The following SLC6A12 variants were observed in gnomAD, a reference collection of about 807,000 sequenced individuals.
SLC6A12 encodes sodium- and chloride-dependent betaine transporter.
Under a neutral mutation model 73.3 loss-of-function variants are expected in SLC6A12, and 50 were observed. The observed-to-expected ratio is 0.68, with a 90% CI of 0.54 to 0.86. The LOEUF is 0.86. Ranked by LOEUF, SLC6A12 falls within the 40% of genes least tolerant of loss-of-function variation. The pLI is 0.00. For synonymous variants in SLC6A12, 304 were observed against 309.2 expected (o/e 0.98, Z 0.18); for missense variants, 648 against 772.8 (o/e 0.84, Z 1.92).
chr12:200,209 C>A (rs915081905), intron 7 of SLC6A12, among the ~76,000 whole-genome samples: 8 of 150,364 alleles, frequency 5.3e-5, no homozygotes, highest in African/African-American at 1.7e-4. Context: ...CCCGGGTTCA[C>A]GCCATTCTCC....
At chr12:197,766 A>G (rs1474003294) in intron 9 of SLC6A12, 134 bp downstream of exon 9, 1 of 682,302 alleles carries the variant, frequency 1.5e-6, no homozygotes, top group Non-Finnish European at 2.5e-6. Flanking sequence ...CTGGGAAAGG[A>G]ACCCATAAGT....
chr12:196,862 C>T lies in SLC6A12; in HGVS notation c.1096G>A (p.Ala366Thr), dbSNP rs151111165. ...AESGPGLAFI[A>T]FPKAVTMMPL... ...ATCATAGTCACAGCCTTGGGGAAGG[C>T]GATGAAGGCCAGCCCAGGACCTGCC... Residue 366 changes from alanine to threonine, a missense_variant, in exon 11 of 16, where the codon GCC (alanine) becomes ACC (threonine). Coordinates refer to ENST00000684302, the MANE Select transcript of SLC6A12 (RefSeq NM_001122848.3). The T allele has an allele frequency of 5.8e-5, 93 of 1,613,498 alleles. No individual in the cohort carries two copies. The highest frequency in any genetic ancestry group is 5.3e-4 in the South Asian group (48 of 91,064).
At chr12:187,682 C>G (rs75414408), downstream of SLC6A12, among the ~76,000 whole-genome samples, 473 of 146,536 alleles carry the variant, frequency 3.2e-3, 2 homozygotes, top group African/African-American at 9.8e-3. Context: ...CAGCGGGTTA[C>G]CACTAGGGCC....
chr12:184,140 C>G, the SLC6A12 span, among the ~76,000 whole-genome samples: 18 of 151,692 alleles, frequency 1.2e-4, no homozygotes, highest in Non-Finnish European at 2.6e-4. Flanking sequence ...CAAGAATGAA[C>G]AGATGATTGA....
intron 15 of SLC6A12, among the ~76,000 whole-genome samples, 170 bp from the exon 16 acceptor site, chr12:191,381 C>T (rs1453920803): frequency 1.3e-5 from 2 of 152,210 alleles, no homozygotes; most frequent in East Asian, 1.9e-4. Flanking sequence ...GCAGCAATAC[C>T]GTGACTACGA....
chr12:187,636 C>CACA (rs1478041608), downstream of SLC6A12, among the ~76,000 whole-genome samples: 7 of 59,028 alleles, frequency 1.2e-4, no homozygotes, highest in Non-Finnish European at 2.4e-4. Flanking sequence ...AAAAAACAAA[C>CACA]CACACACACA....
chr12:200,312 G>A (rs564540950), intron 7 of SLC6A12, among the ~76,000 whole-genome samples: 1 of 151,634 alleles, frequency 6.6e-6, no homozygotes, highest in South Asian at 2.1e-4. Context: ...GTTTTACCGT[G>A]TTAGCCAGGA....
intron 12 of SLC6A12, 96 bp downstream of exon 12, chr12:196,028 G>T: frequency 1.7e-6 from 2 of 1,196,816 alleles, no homozygotes; most frequent in Non-Finnish European, 2.3e-6. Flanking sequence ...CCCCTCGTCA[G>T]CAGATAAGAA....
At chr12:203,792 G>A (rs1284030128) in intron 4 of SLC6A12, 1 of 148,916 alleles carries the variant, frequency 6.7e-6, no homozygotes, top group Admixed American at 6.7e-5. Context: ...GAAGGGGCTC[G>A]CGGGGGAGCG....
the SLC6A12 span, among the ~76,000 whole-genome samples, chr12:184,930 CAA>C: frequency 6.7e-3 from 900 of 135,022 alleles, 8 homozygotes; most frequent in African/African-American, 0.018. Context: ...GAAACTGTCT[CAA>C]AAAAAAAAAA....
rs1378621944 is a variant in SLC6A12, at chr12:196,260, A to T, written c.1190T>A (p.Phe397Tyr). The T allele has an allele frequency of 6.2e-7, 1 of 1,608,228 alleles. No homozygotes were observed. Among genetic ancestry groups the T allele is most frequent in the Admixed American group, 1.7e-5 (1 of 59,242 alleles). The change falls in exon 12 of 16, where the codon TTT (phenylalanine) becomes TAT (tyrosine). Residue 397 changes from phenylalanine (F) to tyrosine (Y), a missense_variant and splice_region_variant. By Grantham distance (22) the Phe-to-Tyr change is conservative (BLOSUM62 3). Transcript: ENST00000684302. ...MLIFLGLDSQ[F>Y]VCVECLVTAS... Reference sequence around the variant, plus strand: ...TGTCACCAGGCACTCCACACAGACAAACTGTGGGCCAGGAGGGGAACTGGA... The same window carrying T: ...TGTCACCAGGCACTCCACACAGACATACTGTGGGCCAGGAGGGGAACTGGA...
chr12:195,973 T>C (rs1939839097), intron 12 of SLC6A12, 151 bp downstream of exon 12: 4 of 664,926 alleles, frequency 6.0e-6, no homozygotes, highest in Non-Finnish European at 1.0e-5. Context: ...GCATGTTGTG[T>C]GGTCCCTACA....
At chr12:195,669 G>C (rs189015836) in intron 12 of SLC6A12, among the ~76,000 whole-genome samples, 763 of 152,260 alleles carry the variant, frequency 5.0e-3, no homozygotes, top group Middle Eastern at 0.01. Flanking sequence ...GTCATAGCCT[G>C]GACATTTGCC....
chr12:209,277 C>T (rs544551795), intron 3 of SLC6A12, among the ~76,000 whole-genome samples: 37 of 152,328 alleles, frequency 2.4e-4, no homozygotes, highest in Admixed American at 2.0e-3. Flanking sequence ...CTCCTCCCTG[C>T]GTCACGTCTC....
intron 13 of SLC6A12, among the ~76,000 whole-genome samples, chr12:194,288 G>A (rs1342011691): frequency 6.6e-6 from 1 of 152,252 alleles, no homozygotes; most frequent in Non-Finnish European, 1.5e-5. Flanking sequence ...GAGGTGAGAA[G>A]GAAGGAACGT....
rs531286393 is a variant in SLC6A12, at chr12:200,247, T to C, written c.711+404A>G. On this transcript the variant is annotated intron_variant, in intron 7 of 15. Transcript: ENST00000684302. ...CCTCAGCCTCCTGCATAGCTGGGAC[T>C]ACAGGTGCCCACCACCACGCCCGGC... is the stretch of plus-strand genomic sequence containing the variant. Among the ~76,000 whole-genome samples, 7 of 150,806 alleles carry C rather than the reference T, an allele frequency of 4.6e-5. No homozygotes were observed. In the East Asian group the frequency reaches 7.8e-4, roughly 17 times the overall value.
rs115004509 is a variant in SLC6A12, at chr12:199,263, T to C, written c.712-332A>G. ...AGTCAACATGTACGTATGTGCATAA[T>C]CTGTACATATTTATGAAAAAGAGTG... On this transcript the variant is annotated intron_variant, in intron 7 of 15. Transcript: ENST00000684302. Among the ~76,000 whole-genome samples the C allele has an allele frequency of 8.9e-3, 1,350 of 152,364 alleles. 22 individuals carry two copies. Among genetic ancestry groups the C allele is most frequent in the African/African-American group, 0.03 (1,254 of 41,582 alleles).
downstream of SLC6A12, among the ~76,000 whole-genome samples, chr12:185,424 T>G (rs1939414671): frequency 6.6e-6 from 1 of 152,206 alleles, no homozygotes; most frequent in Non-Finnish European, 1.5e-5. Context: ...TTCGAGTCCC[T>G]CATGCTGGGG....
chr12:184,546 C>A, the SLC6A12 span, among the ~76,000 whole-genome samples: 1 of 152,056 alleles, frequency 6.6e-6, no homozygotes. Flanking sequence ...GTCAGGAGAT[C>A]GAGACCATCC....
Sources: allele counts gnomAD v4.1 joint callset (sites outside exome capture counted in the v4.1 genomes callset), GRCh38; gene constraint gnomAD v4.1.1; transcripts MANE v1.5; gene names NCBI Gene and HGNC (gene_info 2026-07-23, HGNC 2026-07-21).